The following MAF variants were observed in gnomAD, a reference collection of about 807,000 sequenced individuals.
MAF encodes the protein transcription factor Maf.
A neutral mutation model predicts 22.0 loss-of-function variants in MAF; 10 were observed. That is an observed-to-expected ratio of 0.45 (90% CI 0.28 to 0.77). MAF has a LOEUF of 0.77. MAF is among the 30% of genes least tolerant of loss of function. The pLI is 0.12. For missense variants in MAF, 544 were observed against 548.4 expected (o/e 0.99, Z 0.08); for synonymous variants, 337 against 255.8 (o/e 1.32, Z -3.03).
At chr16:79,210,034 A>C in the MAF span, among the ~76,000 whole-genome samples, 148 of 152,340 alleles carry the variant, frequency 9.7e-4, 1 homozygote, top group Non-Finnish European at 3.4e-4. Context: ...TATTAAGTTC[A>C]AGTCATGTCA....
At chr16:79,564,651 C>T in the MAF span, among the ~76,000 whole-genome samples, 3 of 152,172 alleles carry the variant, frequency 2.0e-5, no homozygotes, top group Admixed American at 6.5e-5. Context: ...TCCGACCCAC[C>T]CATCTTCTTT....
chr16:79,585,818 A>C (rs866439472), downstream of MAF: 320 of 517,130 alleles, frequency 6.2e-4, 4 homozygotes, highest in Middle Eastern at 2.5e-3. Context: ...CATTTAAAAA[A>C]ACAAAGAAAA....
the MAF span, among the ~76,000 whole-genome samples, chr16:79,416,739 C>G: frequency 1.3e-5 from 2 of 152,204 alleles, no homozygotes; most frequent in African/African-American, 4.8e-5. Flanking sequence ...GAAGACCCTG[C>G]TGACCAGAGA....
At chr16:79,497,987 GCA>G in the MAF span, among the ~76,000 whole-genome samples, 1 of 152,172 alleles carries the variant, frequency 6.6e-6, no homozygotes, top group African/African-American at 2.4e-5. Context: ...AACAAGATAT[GCA>G]CAGAGACTAT....
At chr16:79,262,230 C>T in the MAF span, among the ~76,000 whole-genome samples, 1 of 152,136 alleles carries the variant, frequency 6.6e-6, no homozygotes, top group East Asian at 1.9e-4. Flanking sequence ...GACTGAGCTC[C>T]TTAGTGAGGG....
the MAF span, among the ~76,000 whole-genome samples, chr16:79,534,329 A>G: frequency 6.6e-6 from 1 of 152,134 alleles, no homozygotes; most frequent in African/African-American, 2.4e-5. Flanking sequence ...CCGCATTACC[A>G]TGTGGTTTTA....
At chr16:79,513,596 G>C in the MAF span, among the ~76,000 whole-genome samples, 4 of 152,208 alleles carry the variant, frequency 2.6e-5, no homozygotes, top group African/African-American at 9.7e-5. Context: ...AGGAATTCTA[G>C]TTTTACCTTT....
At chr16:79,401,731 C>T in the MAF span, among the ~76,000 whole-genome samples, 1 of 151,914 alleles carries the variant, frequency 6.6e-6, no homozygotes, top group Non-Finnish European at 1.5e-5. Context: ...ATACGGAGAC[C>T]AGAAGGGAAG....
the MAF span, among the ~76,000 whole-genome samples, chr16:79,490,795 G>A: frequency 6.6e-6 from 1 of 152,154 alleles, no homozygotes; most frequent in Non-Finnish European, 1.5e-5. Context: ...TGCAGTGAAG[G>A]TAACACAATT....
At chr16:79,530,989 G>A in the MAF span, among the ~76,000 whole-genome samples, 1 of 152,192 alleles carries the variant, frequency 6.6e-6, no homozygotes, top group Non-Finnish European at 1.5e-5. Flanking sequence ...ACTTGCCCTA[G>A]ACTTGCCTGC....
At chr16:79,347,686 C>T in the MAF span, among the ~76,000 whole-genome samples, 1 of 152,262 alleles carries the variant, frequency 6.6e-6, no homozygotes, top group East Asian at 1.9e-4. Flanking sequence ...GACAGTCCGG[C>T]CATTATCAAG....
chr16:79,320,752 T>C, the MAF span, among the ~76,000 whole-genome samples: 1 of 152,204 alleles, frequency 6.6e-6, no homozygotes, highest in South Asian at 2.1e-4. Context: ...TATAGTAGTG[T>C]TTGGCAGGGC....
At chr16:79,399,420 G>A in the MAF span, among the ~76,000 whole-genome samples, 1 of 152,186 alleles carries the variant, frequency 6.6e-6, no homozygotes, top group Non-Finnish European at 1.5e-5. Context: ...GGGTTGGCTG[G>A]AAAAGTATTC....
At chr16:79,337,905 A>G in the MAF span, among the ~76,000 whole-genome samples, 1 of 152,106 alleles carries the variant, frequency 6.6e-6, no homozygotes, top group Non-Finnish European at 1.5e-5. Flanking sequence ...TGGATGGGAA[A>G]CTACTTACTT....
At chr16:79,376,030 T>G in the MAF span, among the ~76,000 whole-genome samples, 4 of 151,932 alleles carry the variant, frequency 2.6e-5, no homozygotes, top group Non-Finnish European at 1.5e-5. Flanking sequence ...CTTGAGAAAC[T>G]CATCGGCAGA....
chr16:79,520,249 G>C, the MAF span, among the ~76,000 whole-genome samples: 1 of 152,270 alleles, frequency 6.6e-6, no homozygotes, highest in South Asian at 2.1e-4. Context: ...TGGCACTCCT[G>C]GTTCGAGCCC....
downstream of MAF, among the ~76,000 whole-genome samples, chr16:79,591,273 G>A (rs1034913663): frequency 6.6e-6 from 1 of 152,092 alleles, no homozygotes; most frequent in African/African-American, 2.4e-5. Context: ...CTGGGTTGAG[G>A]GGTGAGGGGC....
the MAF span, among the ~76,000 whole-genome samples, chr16:79,470,851 C>T: frequency 3.9e-5 from 6 of 152,184 alleles, no homozygotes; most frequent in African/African-American, 9.7e-5. Flanking sequence ...TGTTTTACTG[C>T]TATTTGTCAC....
At chr16:79,356,358 A>G in the MAF span, among the ~76,000 whole-genome samples, 2 of 152,224 alleles carry the variant, frequency 1.3e-5, no homozygotes, top group Admixed American at 6.5e-5. Flanking sequence ...CTCGGGTGTC[A>G]TGATGCAGTC....
Sources: gnomAD v4.1 joint callset for allele counts (sites outside exome capture counted in the v4.1 genomes callset) on GRCh38, gnomAD v4.1.1 for gene constraint, MANE v1.5 for transcripts, NCBI Gene and HGNC (gene_info 2026-07-23, HGNC 2026-07-21) for gene names.